Variants in NEK4 observed in about 807,000 individuals in gnomAD.
NEK4 encodes the protein NIMA related kinase 4, also known as serine/threonine-protein kinase Nek4.
In NEK4, 86 loss-of-function variants were observed where a neutral mutation model predicts 98.4. The ratio of observed to expected loss-of-function variants is 0.87; its 90% confidence interval spans 0.73 to 1.05. The LOEUF is 1.05. Ranked by LOEUF, NEK4 falls within the 50% of genes least tolerant of loss-of-function variation. The pLI is 0.00. For synonymous variants in NEK4, 328 were observed against 342.2 expected (o/e 0.96, Z 0.46); for missense variants, 898 against 950.3 (o/e 0.94, Z 0.72).
intron 5 of NEK4, among the ~76,000 whole-genome samples, 157 bp downstream of exon 5, chr3:52,763,313 G>C (rs1359380928): frequency 6.6e-6 from 1 of 152,222 alleles, no homozygotes; most frequent in African/African-American, 2.4e-5. Context: ...GAAACCCTAA[G>C]AGGGTAGAAT....
At chr3:52,725,338 C>G (rs1011023832) in intron 15 of NEK4, among the ~76,000 whole-genome samples, 1 of 151,872 alleles carries the variant, frequency 6.6e-6, no homozygotes, top group Non-Finnish European at 1.5e-5. Context: ...GGTGAAACCC[C>G]GTCTCTACTA....
At chr3:52,756,917 A>C (rs1467617548) in intron 6 of NEK4, among the ~76,000 whole-genome samples, 2 of 152,166 alleles carry the variant, frequency 1.3e-5, no homozygotes, top group Non-Finnish European at 2.9e-5. Context: ...AAAATGAACG[A>C]CCCAACTCAA....
rs56408749 is a variant in NEK4 at position 52,763,542 on chromosome 3, G to C, written c.749C>G (p.Pro250Arg). ...TMLSKRPEER[P>R]SVRSILRQPY... ...CTGCCTCAGGATGCTCCTCACAGACGGCCTTTCTTCAGGCCTTTTGCTCAG... is the reference window on the plus strand; with the variant it reads ...CTGCCTCAGGATGCTCCTCACAGACCGCCTTTCTTCAGGCCTTTTGCTCAG... Residue 250 changes from proline (P) to arginine (R), a missense_variant, in exon 5 of 16, where the codon CCG (proline) becomes CGG (arginine). Physicochemically the swap from Pro to Arg is moderately radical, Grantham distance 103 (BLOSUM62 -2). Coordinates refer to ENST00000233027, the MANE Select transcript of NEK4 (RefSeq NM_003157.6). 6.2e-7 allele frequency: 1 copy of C among 1,614,004 alleles called. No individual in the cohort carries two copies.
At chr3:52,733,880 G>A in intron 15 of NEK4, 1 of 308,604 alleles carries the variant, frequency 3.2e-6, no homozygotes, top group South Asian at 3.0e-5. Flanking sequence ...ATGTGGCAAA[G>A]TCTTCAGTCG....
intron 15 of NEK4, among the ~76,000 whole-genome samples, chr3:52,736,449 G>A (rs188454396): frequency 9.3e-4 from 141 of 152,240 alleles, no homozygotes; most frequent in African/African-American, 3.3e-3. Flanking sequence ...AGCCAAGCGT[G>A]GTGGTGGGCA....
intron 6 of NEK4, chr3:52,753,572 C>A: frequency 1.8e-6 from 1 of 550,840 alleles, no homozygotes; most frequent in Non-Finnish European, 3.7e-6. Flanking sequence ...TGGAAACGAT[C>A]TGAAGCTGAA....
chr3:52,770,513 G>A (rs1432517481), intron 1 of NEK4, 141 bp downstream of exon 1: 2 of 640,394 alleles, frequency 3.1e-6, no homozygotes, highest in East Asian at 2.9e-5. Flanking sequence ...GCCAGGCCTC[G>A]TCTTGGTCTG....
chr3:52,721,764 T>C (rs2097360338), intron 15 of NEK4, among the ~76,000 whole-genome samples: 1 of 151,704 alleles, frequency 6.6e-6, no homozygotes. Context: ...TAACCACATT[T>C]ACAGGGGAAT....
chr3:52,714,802 C>T (rs1173956914), intron 15 of NEK4, among the ~76,000 whole-genome samples: 1 of 152,226 alleles, frequency 6.6e-6, no homozygotes, highest in African/African-American at 2.4e-5. Flanking sequence ...CCTATTACCC[C>T]CACCCCCAGC....
chr3:52,726,535 C>T (rs2097364735), intron 15 of NEK4, among the ~76,000 whole-genome samples: 1 of 148,780 alleles, frequency 6.7e-6, no homozygotes, highest in African/African-American at 2.5e-5. Context: ...GGAGGCAGAG[C>T]TTGCAGTGAG....
intron 6 of NEK4, chr3:52,753,596 G>A: frequency 1.8e-6 from 1 of 568,632 alleles, no homozygotes. Flanking sequence ...ATTGGCAGGG[G>A]ATGCAAAAAC....
intron 1 of NEK4, 87 bp downstream of exon 1, chr3:52,770,567 C>T: frequency 4.9e-6 from 5 of 1,024,424 alleles, no homozygotes; most frequent in South Asian, 1.4e-5. Flanking sequence ...GAGCCTCTTG[C>T]GACCACCCCC....
At chr3:52,770,192 G>A (rs547462336) in intron 1 of NEK4, among the ~76,000 whole-genome samples, 2 of 152,204 alleles carry the variant, frequency 1.3e-5, no homozygotes, top group South Asian at 4.2e-4. Flanking sequence ...GGAAGAAAAT[G>A]AGTCGAGTTT....
intron 9 of NEK4, 131 bp downstream of exon 9, chr3:52,746,603 T>A: frequency 1.3e-6 from 1 of 771,462 alleles, no homozygotes; most frequent in East Asian, 2.5e-5. Context: ...CTATTTAGCA[T>A]CTTGCCATTG....
At position 52,731,848 on chromosome 3, in the gene NEK4, G is replaced by A. The variant is rs576065154; in HGVS notation, c.2433+5738C>T. On this transcript the variant is annotated intron_variant, in intron 15 of 15. Transcript: ENST00000233027. ...ATTGTATCTCCCATAATCCCCACGT[G>A]TCGTGGGAGGGACCCGGCGGGAGGT... Among the ~76,000 whole-genome samples the A allele has an allele frequency of 1.3e-3, 205 of 152,320 alleles. 1 individual carries two copies. The highest frequency in any genetic ancestry group is 2.4e-3 in the Non-Finnish European group (166 of 68,034).
At chr3:52,768,708 G>T in intron 1 of NEK4, 104 bp from the exon 2 acceptor site, 1 of 999,046 alleles carries the variant, frequency 1.0e-6, no homozygotes, top group Non-Finnish European at 1.5e-6. Context: ...CCAACCTTGT[G>T]GAGCCTGTCA....
chr3:52,767,296 A>G (rs907643920), intron 2 of NEK4, among the ~76,000 whole-genome samples: 1 of 152,044 alleles, frequency 6.6e-6, no homozygotes, highest in Non-Finnish European at 1.5e-5. Context: ...AAAAAAAACA[A>G]TGCTTACAAA....
chr3:52,732,922 G>T, intron 15 of NEK4: 1 of 228,856 alleles, frequency 4.4e-6, no homozygotes, highest in South Asian at 8.1e-5. Context: ...ACATCTGCCT[G>T]AATTGCAGCT....
chr3:52,728,563 G>C lies in NEK4; in HGVS notation c.2433+9023C>G, dbSNP rs148987819. ...GATAATTGTGTTAACTGTACAAATT[G>C]ATTGTAAAACATGTGTGTTTGAACA... On this transcript the variant is annotated intron_variant, in intron 15 of 15. Coordinates refer to ENST00000233027, the MANE Select transcript of NEK4 (RefSeq NM_003157.6). Among the ~76,000 whole-genome samples the C allele has an allele frequency of 8.5e-5, 13 of 152,296 alleles. No homozygotes were observed. The East Asian group carries it at 2.5e-3, about 29-fold the overall frequency.
Sources: allele counts gnomAD v4.1 joint callset (sites outside exome capture counted in the v4.1 genomes callset), GRCh38; gene constraint gnomAD v4.1.1; transcripts MANE v1.5; gene names NCBI Gene and HGNC (gene_info 2026-07-23, HGNC 2026-07-21).